The following PDE1C variants were observed in gnomAD, a reference collection of about 807,000 sequenced individuals.
The protein encoded by PDE1C is dual specificity calcium/calmodulin-dependent 3',5'-cyclic nucleotide phosphodiesterase 1C.
In PDE1C, 62 loss-of-function variants were observed where a neutral mutation model predicts 93.1. The ratio of observed to expected loss-of-function variants is 0.67; its 90% confidence interval spans 0.54 to 0.82. The LOEUF is 0.82. PDE1C is among the 40% of genes least tolerant of loss of function. The pLI, the probability that PDE1C is intolerant of heterozygous loss-of-function variation, is 0.00. For missense variants in PDE1C, 742 were observed against 884.6 expected, an observed-to-expected ratio of 0.84 and a Z score of 2.04; for synonymous variants, 325 against 310.1, an observed-to-expected ratio of 1.05 and a Z score of -0.50.
chr7:31,817,476 T>C (rs557509480), intron 14 of PDE1C, among the ~76,000 whole-genome samples: 2 of 152,192 alleles, frequency 1.3e-5, no homozygotes, highest in East Asian at 3.9e-4. Flanking sequence ...TGAGGTGGCA[T>C]TGCATTATGG....
the PDE1C span, among the ~76,000 whole-genome samples, chr7:31,718,184 G>A: frequency 4.6e-5 from 7 of 152,110 alleles, no homozygotes; most frequent in Non-Finnish European, 1.0e-4. Context: ...TGGGACCATA[G>A]GAGTCCTTCC....
intron 1 of PDE1C, among the ~76,000 whole-genome samples, chr7:32,222,298 A>G (rs1441239667): frequency 6.6e-6 from 1 of 152,180 alleles, no homozygotes; most frequent in Non-Finnish European, 1.5e-5. Context: ...GAGGCACAGG[A>G]CATTCCCTTG....
intron 2 of PDE1C, among the ~76,000 whole-genome samples, chr7:32,026,570 C>G (rs1452368823): frequency 6.6e-6 from 1 of 152,108 alleles, no homozygotes; most frequent in African/African-American, 2.4e-5. Context: ...TCCCTCATTG[C>G]TGGTAGGAAT....
intron 2 of PDE1C, among the ~76,000 whole-genome samples, chr7:32,024,835 T>G (rs1053548890): frequency 6.6e-6 from 1 of 152,080 alleles, no homozygotes; most frequent in Non-Finnish European, 1.5e-5. Flanking sequence ...CCTGTCTCCT[T>G]CCCAAGGCAA....
chr7:31,733,002 ATTC>A, the PDE1C span, among the ~76,000 whole-genome samples: 3 of 152,230 alleles, frequency 2.0e-5, no homozygotes, highest in Non-Finnish European at 2.9e-5. Flanking sequence ...ACGGAAAGCC[ATTC>A]CATAAGGTTG....
At chr7:32,049,560 AC>A in intron 2 of PDE1C, among the ~76,000 whole-genome samples, 1 of 152,192 alleles carries the variant, frequency 6.6e-6, no homozygotes, top group East Asian at 1.9e-4. Context: ...TCCACTGGAC[AC>A]CCCTGGAGGA....
intron 3 of PDE1C, among the ~76,000 whole-genome samples, chr7:32,112,823 T>A (rs998999907): frequency 3.6e-5 from 3 of 83,868 alleles, no homozygotes; most frequent in African/African-American, 1.8e-4. Flanking sequence ...TGTGTGTGTG[T>A]GTGTGTGTGT....
intron 1 of PDE1C, among the ~76,000 whole-genome samples, chr7:32,273,997 T>C (rs1213757752): frequency 1.3e-5 from 2 of 152,094 alleles, no homozygotes; most frequent in Non-Finnish European, 2.9e-5. Flanking sequence ...AAGTGGAGAA[T>C]GGAGGATTGC....
chr7:31,775,401 T>C (rs970114788), intron 17 of PDE1C, among the ~76,000 whole-genome samples: 12 of 152,122 alleles, frequency 7.9e-5, no homozygotes, highest in Non-Finnish European at 1.8e-4. Flanking sequence ...TTCCATAGCA[T>C]GTACAGATGA....
At chr7:32,391,036 A>G (rs998943100) in intron 1 of PDE1C, among the ~76,000 whole-genome samples, 19 of 152,134 alleles carry the variant, frequency 1.2e-4, no homozygotes, top group African/African-American at 4.3e-4. Flanking sequence ...ATCCAACCCT[A>G]TCAATAATAA....
At chr7:31,951,210 A>G (rs562080138) in intron 2 of PDE1C, among the ~76,000 whole-genome samples, 45 of 152,274 alleles carry the variant, frequency 3.0e-4, no homozygotes, top group Non-Finnish European at 4.7e-4. Flanking sequence ...ACATAGTCAC[A>G]TTGGGTGTTA....
chr7:32,160,580 G>A (rs764474916), intron 3 of PDE1C, among the ~76,000 whole-genome samples: 6 of 152,158 alleles, frequency 3.9e-5, no homozygotes, highest in Non-Finnish European at 5.9e-5. Flanking sequence ...GGTGGCTCAC[G>A]CCTGTGATCC....
At chr7:32,248,608 C>G (rs943283288) in intron 1 of PDE1C, among the ~76,000 whole-genome samples, 5 of 152,200 alleles carry the variant, frequency 3.3e-5, no homozygotes, top group Admixed American at 6.5e-5. Context: ...AGGAGGTGAG[C>G]TCTGCAGAGA....
chr7:32,121,342 C>T (rs1799287551), intron 3 of PDE1C, among the ~76,000 whole-genome samples: 1 of 152,020 alleles, frequency 6.6e-6, no homozygotes, highest in Non-Finnish European at 1.5e-5. Context: ...CCTAACCTAG[C>T]AAAACAGACC....
intron 3 of PDE1C, among the ~76,000 whole-genome samples, chr7:32,080,235 T>C (rs1796579810): frequency 6.6e-6 from 1 of 152,058 alleles, no homozygotes; most frequent in Non-Finnish European, 1.5e-5. Flanking sequence ...CATTCAACTG[T>C]AGTCTTCTAG....
the PDE1C span, among the ~76,000 whole-genome samples, chr7:31,638,463 G>A: frequency 2.0e-5 from 3 of 152,070 alleles, no homozygotes; most frequent in African/African-American, 7.2e-5. Flanking sequence ...AGGTGTTTAT[G>A]TTTGTAGACT....
At chr7:31,675,767 G>T in the PDE1C span, among the ~76,000 whole-genome samples, 1 of 151,866 alleles carries the variant, frequency 6.6e-6, no homozygotes, top group Admixed American at 6.6e-5. Context: ...ATAAAGAAAA[G>T]CTGTTGGAAA....
intron 13 of PDE1C, among the ~76,000 whole-genome samples, 184 bp downstream of exon 13, chr7:31,824,683 C>T (rs1789437934): frequency 6.6e-6 from 1 of 152,006 alleles, no homozygotes; most frequent in Non-Finnish European, 1.5e-5. Flanking sequence ...TACAGTTTAG[C>T]CTGGAGAGTA....
intron 3 of PDE1C, among the ~76,000 whole-genome samples, chr7:32,086,511 C>G (rs967821919): frequency 5.3e-5 from 8 of 151,782 alleles, no homozygotes; most frequent in African/African-American, 9.7e-5. Flanking sequence ...CTACTTTAAA[C>G]TTCATATGGA....
Sources: allele counts gnomAD v4.1 joint callset (sites outside exome capture counted in the v4.1 genomes callset), GRCh38; gene constraint gnomAD v4.1.1; transcripts MANE v1.5; gene names NCBI Gene and HGNC (gene_info 2026-07-23, HGNC 2026-07-21).